The following CELF4 variants were observed in gnomAD, a reference collection of about 807,000 sequenced individuals.
The protein encoded by CELF4 is CUG-BP- and ETR-3-like factor 4.
CELF4 carries 18 observed loss-of-function variants against 59.9 expected under a neutral mutation model. That is an observed-to-expected ratio of 0.30 (90% CI 0.21 to 0.45). CELF4 has a LOEUF of 0.45. CELF4 is among the 20% of genes least tolerant of loss of function. The probability of loss-of-function intolerance (pLI) is 1.00; values close to 1 mark genes in which losing one functional copy is unlikely to be tolerated. For synonymous variants in CELF4, 261 were observed against 267.1 expected (o/e 0.98, Z 0.22); for missense variants, 456 against 689.0 (o/e 0.66, Z 3.79).
At chr18:37,495,159 A>T (rs1385689382) in intron 1 of CELF4, among the ~76,000 whole-genome samples, 2 of 152,180 alleles carry the variant, frequency 1.3e-5, no homozygotes, top group Non-Finnish European at 2.9e-5. Flanking sequence ...GGGAGTTTAG[A>T]TCTTCCTGTT....
At chr18:37,284,605 C>T (rs2094550229) in intron 3 of CELF4, among the ~76,000 whole-genome samples, 2 of 152,196 alleles carry the variant, frequency 1.3e-5, no homozygotes, top group South Asian at 2.1e-4. Context: ...CCCCTGCCGC[C>T]CCAGCCAGCA....
intron 2 of CELF4, among the ~76,000 whole-genome samples, chr18:37,481,751 A>G (rs2099867896): frequency 6.6e-6 from 1 of 152,142 alleles, no homozygotes; most frequent in Non-Finnish European, 1.5e-5. Context: ...GAAAACTTTG[A>G]GTCACTCCTG....
At chr18:37,456,444 A>T (rs934257488) in intron 2 of CELF4, among the ~76,000 whole-genome samples, 3 of 152,056 alleles carry the variant, frequency 2.0e-5, no homozygotes, top group Admixed American at 6.5e-5. Flanking sequence ...ACCTGGGTTA[A>T]CAACCTGCCT....
At chr18:37,344,133 CT>C (rs1459188929) in intron 2 of CELF4, among the ~76,000 whole-genome samples, 1 of 152,246 alleles carries the variant, frequency 6.6e-6, no homozygotes, top group Admixed American at 6.5e-5. Flanking sequence ...CTTGATGTGG[CT>C]CATTCAGGAG....
chr18:37,326,176 G>A (rs1408123402), intron 2 of CELF4, among the ~76,000 whole-genome samples: 4 of 152,218 alleles, frequency 2.6e-5, no homozygotes, highest in African/African-American at 4.8e-5. Flanking sequence ...AGAGCGAGGG[G>A]AGAGGTGAAG....
intron 2 of CELF4, among the ~76,000 whole-genome samples, chr18:37,331,210 T>G (rs992033829): frequency 6.6e-6 from 1 of 152,178 alleles, no homozygotes; most frequent in Non-Finnish European, 1.5e-5. Context: ...AACAAAGCAC[T>G]TGAGGTTGTG....
intron 3 of CELF4, 61 bp downstream of exon 3, chr18:37,321,742 C>T (rs574763631): frequency 1.9e-5 from 24 of 1,237,376 alleles, no homozygotes; most frequent in Admixed American, 8.9e-5. Context: ...CTTGCTGCGT[C>T]GGGAAAAGGA....
chr18:37,373,328 T>C (rs1216442179), intron 2 of CELF4, among the ~76,000 whole-genome samples: 1 of 152,188 alleles, frequency 6.6e-6, no homozygotes, highest in Non-Finnish European at 1.5e-5. Flanking sequence ...CCTGCCCTTC[T>C]GATTTCAGAT....
intron 1 of CELF4, among the ~76,000 whole-genome samples, chr18:37,507,315 G>A (rs2099939216): frequency 6.6e-6 from 1 of 152,172 alleles, no homozygotes; most frequent in Non-Finnish European, 1.5e-5. Context: ...ATTTGTATTT[G>A]TCTAGAACTG....
At position 37,273,098 on chromosome 18, in the gene CELF4, A is replaced by C; in HGVS notation, c.867T>G (p.Ala289=). ...VAQGGYLNPM[A]AFAAAQMQQM... is the part of the protein sequence containing the mutation. ...GCTGCATCTGGGCGGCAGCGAAGGC[A>C]GCCATGGGGTTCAGGTAGCCGCCCT... is the stretch of plus-strand genomic sequence containing the variant. The change falls in exon 7 of 13, where the codon GCT becomes GCG. Residue 289 remains alanine (A), a synonymous_variant. Transcript: ENST00000420428. 2 of 1,613,464 alleles carry C rather than the reference A, an allele frequency of 1.2e-6. No homozygotes were observed. Among genetic ancestry groups the C allele is most frequent in the Middle Eastern group, 3.4e-4 (2 of 5,880 alleles).
chr18:37,397,053 A>AG (rs952813663), intron 2 of CELF4, among the ~76,000 whole-genome samples: 17 of 152,118 alleles, frequency 1.1e-4, no homozygotes, highest in Non-Finnish European at 1.9e-4. Context: ...TCCAGAGCCC[A>AG]GGGGGGAGGT....
chr18:37,493,122 C>A (rs148408065), intron 1 of CELF4, among the ~76,000 whole-genome samples: 1 of 152,200 alleles, frequency 6.6e-6, no homozygotes, highest in African/African-American at 2.4e-5. Context: ...TGATTCCCCA[C>A]CCACATAATA....
At chr18:37,409,774 G>GGGGACA (rs1446533106) in intron 2 of CELF4, among the ~76,000 whole-genome samples, 7 of 152,200 alleles carry the variant, frequency 4.6e-5, no homozygotes, top group African/African-American at 7.2e-5. Context: ...GACCTAGCAA[G>GGGGACA]GGGACAGGGC....
At chr18:37,446,149 G>A (rs1284132582) in intron 2 of CELF4, among the ~76,000 whole-genome samples, 1 of 152,224 alleles carries the variant, frequency 6.6e-6, no homozygotes, top group Admixed American at 6.5e-5. Flanking sequence ...ACTAACGTGG[G>A]TGGTGGGGCT....
chr18:37,356,366 G>A (rs1164211574), intron 2 of CELF4, among the ~76,000 whole-genome samples: 1 of 152,188 alleles, frequency 6.6e-6, no homozygotes, highest in African/African-American at 2.4e-5. Flanking sequence ...AGGGTGGGGG[G>A]CAGAAAAGAA....
At chr18:37,296,594 G>A (rs889220919) in intron 3 of CELF4, among the ~76,000 whole-genome samples, 1 of 152,174 alleles carries the variant, frequency 6.6e-6, no homozygotes, top group Non-Finnish European at 1.5e-5. Flanking sequence ...TTAATAATTA[G>A]TCCAGGACAA....
intron 2 of CELF4, among the ~76,000 whole-genome samples, chr18:37,385,354 C>CA (rs34504926): frequency 0.3 from 29,658 of 100,282 alleles, 4,727 homozygotes; most frequent in South Asian, 0.45. Flanking sequence ...GACTCCATCT[C>CA]AAAAAAAAAA....
At chr18:37,492,261 G>A (rs1285774067) in intron 1 of CELF4, among the ~76,000 whole-genome samples, 1 of 152,148 alleles carries the variant, frequency 6.6e-6, no homozygotes, top group Non-Finnish European at 1.5e-5. Flanking sequence ...GGGGCTCCCT[G>A]AAGGCCCCTC....
At chr18:37,292,970 T>C (rs79600199) in intron 3 of CELF4, among the ~76,000 whole-genome samples, 2,865 of 152,344 alleles carry the variant, frequency 0.019, 93 homozygotes, top group African/African-American at 0.066. Flanking sequence ...TCAAGTGGCC[T>C]GTAACCCTCT....
Sources: allele counts gnomAD v4.1 joint callset (sites outside exome capture counted in the v4.1 genomes callset), GRCh38; gene constraint gnomAD v4.1.1; transcripts MANE v1.5; gene names NCBI Gene and HGNC (gene_info 2026-07-23, HGNC 2026-07-21).